ZNF469: variants seen among roughly 807,000 people sequenced by gnomAD.
The protein encoded by ZNF469 is zinc finger protein 469.
Under a neutral mutation model 1.0 loss-of-function variants are expected in ZNF469, and 1 was observed. The ratio of observed to expected loss-of-function variants is 1.00; its 90% CI spans 0.35 to 4.73. ZNF469 has a LOEUF of 4.73. Among genes scored for constraint, ZNF469 ranks in the 30% most tolerant of loss-of-function variants. The probability of loss-of-function intolerance (pLI) is 0.16; values close to 1 mark genes in which losing one functional copy is unlikely to be tolerated. For missense variants in ZNF469, 6,100 were observed against 5,356.3 expected (o/e 1.14, Z -4.33); for synonymous variants, 2,703 against 2,363.4 (o/e 1.14, Z -4.17).
chr16:88,144,572 AGT>A, the ZNF469 span, among the ~76,000 whole-genome samples: 1 of 152,216 alleles, frequency 6.6e-6, no homozygotes, highest in East Asian at 1.9e-4. Flanking sequence ...TCACAGACGC[AGT>A]GTGTGCTGCA....
the ZNF469 span, among the ~76,000 whole-genome samples, chr16:88,338,221 G>GGGAGAGACCCTCCGGCGC: frequency 6.6e-6 from 1 of 152,166 alleles, no homozygotes; most frequent in Non-Finnish European, 1.5e-5. Flanking sequence ...AGACCCTCTG[G>GGGAGAGACCCTCCGGCGC]CTCCCGGAAG....
chr16:88,301,269 C>T, the ZNF469 span, among the ~76,000 whole-genome samples: 1 of 151,964 alleles, frequency 6.6e-6, no homozygotes, highest in African/African-American at 2.4e-5. Context: ...ATTCTCCTGC[C>T]TCATCCTCCC....
intron 1 of ZNF469, among the ~76,000 whole-genome samples, chr16:88,389,640 T>C (rs1904430621): frequency 6.6e-6 from 1 of 152,148 alleles, no homozygotes; most frequent in Non-Finnish European, 1.5e-5. Flanking sequence ...CCCGACTCTG[T>C]GGATGAGGCA....
chr16:88,119,165 G>T, the ZNF469 span, among the ~76,000 whole-genome samples: 4 of 152,190 alleles, frequency 2.6e-5, no homozygotes, highest in Non-Finnish European at 5.9e-5. Flanking sequence ...TGAAAAGAAA[G>T]ATAGTAAGTG....
At chr16:88,199,264 C>A in the ZNF469 span, among the ~76,000 whole-genome samples, 31 of 152,334 alleles carry the variant, frequency 2.0e-4, no homozygotes, top group East Asian at 5.6e-3. Context: ...ACCCGACAAC[C>A]CCAGGAGGCA....
the ZNF469 span, among the ~76,000 whole-genome samples, chr16:88,317,746 C>A: frequency 1.3e-5 from 2 of 152,218 alleles, no homozygotes; most frequent in Non-Finnish European, 2.9e-5. Context: ...TTCCCTTGAC[C>A]GTGACTTGAG....
rs1305509907 is a variant in ZNF469 at position 88,435,655 on chromosome 16, A to G, written c.8185A>G (p.Met2729Val). Reference sequence around the variant, plus strand: ...GGCCCAGAAGCCACCTGGAGATCGGATGCTGTGTCCAGGGAGGATGGATGG... The same window carrying G: ...GGCCCAGAAGCCACCTGGAGATCGGGTGCTGTGTCCAGGGAGGATGGATGG... Reference protein sequence around the residue: ...TGAQKPPGDRMLCPGRMDGAA... With the variant: ...TGAQKPPGDRVLCPGRMDGAA... Residue 2729 changes from methionine to valine, a missense_variant, in exon 3 of 3, where the codon ATG becomes GTG. By Grantham distance (21) the Met-to-Val change is conservative (BLOSUM62 1). Transcript: ENST00000565624. 35 of 1,550,482 alleles carry G rather than the reference A, an allele frequency of 2.3e-5. No homozygotes were observed. In the East Asian group the frequency reaches 8.6e-4, roughly 38 times the overall value.
At chr16:88,377,247 CT>C in the ZNF469 span, among the ~76,000 whole-genome samples, 2 of 152,246 alleles carry the variant, frequency 1.3e-5, no homozygotes, top group Admixed American at 6.5e-5. Context: ...GGCAGGGGGA[CT>C]TCCCAGGGGA....
the ZNF469 span, among the ~76,000 whole-genome samples, chr16:88,367,724 T>C: frequency 2.0e-5 from 3 of 152,204 alleles, no homozygotes; most frequent in Non-Finnish European, 4.4e-5. Context: ...ATCCTGAGCC[T>C]CACTGGCAGC....
the ZNF469 span, among the ~76,000 whole-genome samples, chr16:88,207,443 G>A: frequency 1.3e-5 from 2 of 148,650 alleles, 1 homozygote; most frequent in African/African-American, 5.0e-5. Flanking sequence ...CTGAGGCTGC[G>A]CCTCCTGGTT....
the ZNF469 span, among the ~76,000 whole-genome samples, chr16:88,298,024 A>G: frequency 2.6e-4 from 40 of 152,318 alleles, no homozygotes; most frequent in Non-Finnish European, 5.1e-4. Flanking sequence ...ATTGTCCCAC[A>G]GGTCTTGTCC....
the ZNF469 span, among the ~76,000 whole-genome samples, chr16:88,235,333 G>C: frequency 1.3e-5 from 2 of 152,120 alleles, no homozygotes; most frequent in East Asian, 1.9e-4. Context: ...GCAGTACCTG[G>C]GTCCCCAGTG....
the ZNF469 span, among the ~76,000 whole-genome samples, chr16:88,243,944 ATATATAT>A: frequency 1.2e-4 from 15 of 122,594 alleles, no homozygotes; most frequent in African/African-American, 2.4e-4. Flanking sequence ...ATATATATAT[ATATATAT>A]AAATGTATGT....
upstream of ZNF469, among the ~76,000 whole-genome samples, chr16:88,380,390 G>GTC (rs1567495320): frequency 0.019 from 1,013 of 53,496 alleles, 52 homozygotes; most frequent in Non-Finnish European, 0.022. Flanking sequence ...CGCACTCACA[G>GTC]ACACGCCCTC....
chr16:88,265,319 C>T, the ZNF469 span, among the ~76,000 whole-genome samples: 1 of 152,166 alleles, frequency 6.6e-6, no homozygotes, highest in Non-Finnish European at 1.5e-5. Flanking sequence ...AGGGGCCTTC[C>T]TGGGACCCCT....
At chr16:88,287,237 C>T in the ZNF469 span, among the ~76,000 whole-genome samples, 1 of 152,196 alleles carries the variant, frequency 6.6e-6, no homozygotes, top group Non-Finnish European at 1.5e-5. Context: ...TGTGAATGTG[C>T]CACAATTTGT....
chr16:88,243,350 G>A, the ZNF469 span, among the ~76,000 whole-genome samples: 3 of 152,184 alleles, frequency 2.0e-5, no homozygotes, highest in Non-Finnish European at 4.4e-5. Context: ...GTAGGATCCA[G>A]TCCCTGTCTA....
the ZNF469 span, among the ~76,000 whole-genome samples, chr16:88,217,645 T>C: frequency 1.5e-4 from 17 of 110,422 alleles, no homozygotes; most frequent in African/African-American, 4.8e-4. Flanking sequence ...CCTGTGTCCA[T>C]GCGATCTCAT....
the ZNF469 span, among the ~76,000 whole-genome samples, chr16:88,349,849 A>AC: frequency 1.9e-4 from 28 of 144,486 alleles, no homozygotes; most frequent in Middle Eastern, 3.6e-3. Context: ...CACACCACAC[A>AC]CAAGTGCACA....
Sources: gnomAD v4.1 joint callset for allele counts (sites outside exome capture counted in the v4.1 genomes callset) on GRCh38, gnomAD v4.1.1 for gene constraint, MANE v1.5 for transcripts, NCBI Gene and HGNC (gene_info 2026-07-23, HGNC 2026-07-21) for gene names.